CA10: variants seen among roughly 807,000 people sequenced by gnomAD.
CA10 encodes carbonic anhydrase 10 (inactive).
A neutral mutation model predicts 44.2 loss-of-function variants in CA10; 14 were observed. That is an observed-to-expected ratio of 0.32 (90% CI 0.21 to 0.50). The LOEUF (loss-of-function observed/expected upper bound fraction) is 0.50, where lower values mean the gene tolerates loss of function less well. Among genes scored for constraint, CA10 ranks in the 20% least tolerant of loss-of-function variants. The pLI, the probability that CA10 is intolerant of heterozygous loss-of-function variation, is 0.99. For missense variants in CA10, 350 were observed against 409.7 expected, an observed-to-expected ratio of 0.85 and a Z score of 1.26; for synonymous variants, 159 against 141.6, an observed-to-expected ratio of 1.12 and a Z score of -0.87.
chr17:52,132,659 T>G (rs1989267547), intron 1 of CA10, among the ~76,000 whole-genome samples: 1 of 152,234 alleles, frequency 6.6e-6, no homozygotes, highest in Non-Finnish European at 1.5e-5. Flanking sequence ...TCTGGCCATC[T>G]GAGCACACTT....
chr17:51,854,888 C>T (rs1978969686), intron 3 of CA10, among the ~76,000 whole-genome samples: 1 of 152,162 alleles, frequency 6.6e-6, no homozygotes, highest in South Asian at 2.1e-4. Flanking sequence ...TCGCTTAAAC[C>T]TCGCAACTAC....
chr17:51,690,775 G>T (rs997745999), intron 4 of CA10, among the ~76,000 whole-genome samples: 1 of 152,076 alleles, frequency 6.6e-6, no homozygotes, highest in Admixed American at 6.5e-5. Context: ...CCCAGTCTTG[G>T]GTATTTCTTC....
intron 7 of CA10, among the ~76,000 whole-genome samples, chr17:51,634,993 A>C (rs1316385575): frequency 6.6e-6 from 1 of 152,152 alleles, no homozygotes; most frequent in Non-Finnish European, 1.5e-5. Flanking sequence ...TGGCTCTTTA[A>C]ACCCAGGCAT....
chr17:51,823,749 T>C (rs9901905), intron 3 of CA10, among the ~76,000 whole-genome samples: 8,862 of 152,284 alleles, frequency 0.058, 728 homozygotes, highest in African/African-American at 0.18. Context: ...TTCAGCTTCA[T>C]AGGTAGCAGC....
intron 3 of CA10, among the ~76,000 whole-genome samples, chr17:51,825,327 G>A (rs567563979): frequency 6.6e-6 from 1 of 152,134 alleles, no homozygotes; most frequent in Non-Finnish European, 1.5e-5. Context: ...ACTCTGCTGG[G>A]ACCATCTTTG....
At chr17:52,151,538 A>G (rs1989703173) in intron 1 of CA10, among the ~76,000 whole-genome samples, 1 of 152,150 alleles carries the variant, frequency 6.6e-6, no homozygotes, top group Admixed American at 6.6e-5. Flanking sequence ...CTTGTTAAAT[A>G]CTAAGGACCA....
chr17:51,669,304 A>G (rs999462882), intron 4 of CA10, among the ~76,000 whole-genome samples: 2 of 152,156 alleles, frequency 1.3e-5, no homozygotes, highest in African/African-American at 2.4e-5. Context: ...GGATGCACCA[A>G]TCAGTGCTCA....
intron 6 of CA10, among the ~76,000 whole-genome samples, chr17:51,642,863 G>A (rs1395977832): frequency 6.6e-6 from 1 of 152,064 alleles, no homozygotes; most frequent in Non-Finnish European, 1.5e-5. Flanking sequence ...GGCTCGTCTT[G>A]AACTCCTGAC....
At chr17:51,939,362 A>G (rs987957614) in intron 2 of CA10, among the ~76,000 whole-genome samples, 2 of 152,124 alleles carry the variant, frequency 1.3e-5, no homozygotes, top group Admixed American at 1.3e-4. Context: ...CAATGCTGCA[A>G]TAAATAGCCT....
chr17:52,099,436 A>C (rs1988484319), intron 1 of CA10, among the ~76,000 whole-genome samples: 1 of 152,210 alleles, frequency 6.6e-6, no homozygotes, highest in African/African-American at 2.4e-5. Context: ...GTAAGGCTCC[A>C]GATAGAATTA....
chr17:51,863,094 T>C (rs1165148700), intron 3 of CA10, among the ~76,000 whole-genome samples: 1 of 152,192 alleles, frequency 6.6e-6, no homozygotes, highest in African/African-American at 2.4e-5. Flanking sequence ...TTTACTTCAC[T>C]GGAAAATATG....
intron 1 of CA10, among the ~76,000 whole-genome samples, chr17:52,109,800 C>A (rs1238200683): frequency 6.6e-6 from 1 of 152,164 alleles, no homozygotes; most frequent in East Asian, 1.9e-4. Context: ...GGAGCATTGA[C>A]AGTGTGTTTC....
At chr17:51,721,633 C>A (rs961625488) in intron 4 of CA10, among the ~76,000 whole-genome samples, 4 of 151,922 alleles carry the variant, frequency 2.6e-5, no homozygotes, top group African/African-American at 7.2e-5. Flanking sequence ...CCGCACCTGG[C>A]CAGTTGAAAA....
At chr17:52,122,780 T>C (rs912869764) in intron 1 of CA10, among the ~76,000 whole-genome samples, 2 of 152,210 alleles carry the variant, frequency 1.3e-5, no homozygotes, top group South Asian at 4.1e-4. Flanking sequence ...ATGGCTTTTA[T>C]TCAAGAGAAA....
At chr17:51,912,126 G>A (rs757795633) in intron 3 of CA10, among the ~76,000 whole-genome samples, 13 of 152,162 alleles carry the variant, frequency 8.5e-5, no homozygotes, top group Non-Finnish European at 1.6e-4. Flanking sequence ...TGTGGACTAA[G>A]TAGTATAGCA....
At chr17:51,826,983 TCTC>T (rs751298043) in intron 3 of CA10, among the ~76,000 whole-genome samples, 2 of 152,116 alleles carry the variant, frequency 1.3e-5, no homozygotes, top group Non-Finnish European at 2.9e-5. Flanking sequence ...CGCCTCAAGT[TCTC>T]CTAATAAGTG....
intron 4 of CA10, among the ~76,000 whole-genome samples, chr17:51,678,997 T>C (rs1914727943): frequency 6.6e-6 from 1 of 152,218 alleles, no homozygotes; most frequent in Admixed American, 6.5e-5. Flanking sequence ...TCTCCGTTCA[T>C]TCATTCCTTC....
chr17:51,996,617 G>A (rs1433927135), intron 2 of CA10, among the ~76,000 whole-genome samples: 1 of 151,820 alleles, frequency 6.6e-6, no homozygotes, highest in African/African-American at 2.4e-5. Flanking sequence ...CCCTAAACAT[G>A]CCCTCTTCTT....
intron 3 of CA10, among the ~76,000 whole-genome samples, chr17:51,925,625 T>A (rs1258895149): frequency 6.6e-6 from 1 of 152,126 alleles, no homozygotes; most frequent in East Asian, 1.9e-4. Context: ...CTCAAACAGT[T>A]CATTGTATAC....
Sources: gnomAD v4.1 joint callset for allele counts (sites outside exome capture counted in the v4.1 genomes callset) on GRCh38, gnomAD v4.1.1 for gene constraint, MANE v1.5 for transcripts, NCBI Gene and HGNC (gene_info 2026-07-23, HGNC 2026-07-21) for gene names.